Variants in UBASH3B observed in about 807,000 individuals in gnomAD.
UBASH3B encodes ubiquitin associated and SH3 domain containing B, also known as ubiquitin-associated and SH3 domain-containing protein B.
A neutral mutation model predicts 83.4 loss-of-function variants in UBASH3B; 37 were observed. The ratio of observed to expected loss-of-function variants is 0.44; its 90% confidence interval spans 0.34 to 0.58. UBASH3B has a LOEUF of 0.58. Ranked by LOEUF, UBASH3B falls within the 20% of genes least tolerant of loss-of-function variation. The probability of loss-of-function intolerance (pLI) is 0.01; values close to 1 mark genes in which losing one functional copy is unlikely to be tolerated. For synonymous variants in UBASH3B, 304 were observed against 318.3 expected, an observed-to-expected ratio of 0.96 and a Z score of 0.48; for missense variants, 657 against 827.2, an observed-to-expected ratio of 0.79 and a Z score of 2.52.
chr11:122,688,061 G>A (rs892293257), intron 1 of UBASH3B, among the ~76,000 whole-genome samples: 21 of 152,094 alleles, frequency 1.4e-4, no homozygotes, highest in African/African-American at 4.6e-4. Context: ...AGAAAGAACT[G>A]TTCAACTGCC....
At chr11:122,709,927 C>T (rs1276235821) in intron 1 of UBASH3B, among the ~76,000 whole-genome samples, 2 of 152,108 alleles carry the variant, frequency 1.3e-5, no homozygotes, top group Non-Finnish European at 2.9e-5. Flanking sequence ...GAGGCTGAGG[C>T]AGGCAGATCA....
rs531714850 is a variant in UBASH3B at position 122,718,685 on chromosome 11, A to C, written c.162-57534A>C. Among the ~76,000 whole-genome samples the C allele has an allele frequency of 1.1e-4, 17 of 152,302 alleles. No homozygotes were observed. The East Asian group carries it at 2.7e-3, about 24-fold the overall frequency. The stretch of plus-strand genomic sequence containing the variant: ...GAAAAGTCTTTTTGATTGGAGCCCC[A>C]AAAAAGGGATATTAGAGGGTCAGAA... On this transcript the variant is annotated intron_variant, in intron 1 of 13. Transcript: ENST00000284273.
chr11:122,688,884 T>G (rs1474077546), intron 1 of UBASH3B, among the ~76,000 whole-genome samples: 5 of 151,612 alleles, frequency 3.3e-5, no homozygotes, highest in Admixed American at 6.6e-5. Flanking sequence ...GACCTCGTGA[T>G]CCGCCTGCCT....
At chr11:122,722,606 T>C (rs1182742610) in intron 1 of UBASH3B, among the ~76,000 whole-genome samples, 5 of 152,366 alleles carry the variant, frequency 3.3e-5, no homozygotes, top group Non-Finnish European at 7.3e-5. Flanking sequence ...GGGCTTCTTT[T>C]CTGAATATCC....
intron 1 of UBASH3B, among the ~76,000 whole-genome samples, chr11:122,698,249 C>T (rs975332634): frequency 5.3e-5 from 8 of 151,960 alleles, no homozygotes; most frequent in Admixed American, 3.9e-4. Context: ...TGCAGATGAC[C>T]TCCTCTCCCC....
intron 1 of UBASH3B, among the ~76,000 whole-genome samples, chr11:122,684,770 G>C (rs1863787673): frequency 1.3e-5 from 2 of 152,128 alleles, no homozygotes; most frequent in African/African-American, 4.8e-5. Flanking sequence ...GCTAATTTTT[G>C]TATTTTTAGT....
chr11:122,725,342 A>G (rs73018226), intron 1 of UBASH3B, among the ~76,000 whole-genome samples: 1,727 of 130,788 alleles, frequency 0.013, 48 homozygotes, highest in African/African-American at 0.042. Context: ...AAAAAAAAAA[A>G]AAGAAAAGAA....
intron 4 of UBASH3B, among the ~76,000 whole-genome samples, chr11:122,780,250 A>G (rs1009882522): frequency 1.3e-5 from 2 of 152,222 alleles, no homozygotes; most frequent in Admixed American, 1.3e-4. Context: ...CTGTCTAAAA[A>G]TGTAACCCCT....
At chr11:122,707,948 G>A (rs373558730) in intron 1 of UBASH3B, among the ~76,000 whole-genome samples, 2 of 152,264 alleles carry the variant, frequency 1.3e-5, no homozygotes, top group Middle Eastern at 3.4e-3. Flanking sequence ...ATCTGCCTTG[G>A]CCTCCCAAAG....
At chr11:122,696,979 C>T (rs1391350827) in intron 1 of UBASH3B, among the ~76,000 whole-genome samples, 1 of 152,116 alleles carries the variant, frequency 6.6e-6, no homozygotes, top group Non-Finnish European at 1.5e-5. Context: ...GATCAGGCCA[C>T]CAGGAGTTGG....
chr11:122,777,690 T>A (rs1173232213), intron 3 of UBASH3B, among the ~76,000 whole-genome samples: 1 of 152,156 alleles, frequency 6.6e-6, no homozygotes, highest in Non-Finnish European at 1.5e-5. Flanking sequence ...ACCTAGTGTA[T>A]AATCCTAGCT....
chr11:122,727,820 A>G (rs534154949), intron 1 of UBASH3B, among the ~76,000 whole-genome samples: 2 of 152,270 alleles, frequency 1.3e-5, no homozygotes, highest in Admixed American at 1.3e-4. Flanking sequence ...CGTGAATTCA[A>G]GAAATCCTTG....
intron 1 of UBASH3B, among the ~76,000 whole-genome samples, chr11:122,667,288 C>T (rs1863532767): frequency 6.6e-6 from 1 of 151,930 alleles, no homozygotes; most frequent in African/African-American, 2.4e-5. Context: ...CTCAGGTGAT[C>T]ACCCGCCTCA....
chr11:122,704,562 T>G (rs1008006277), intron 1 of UBASH3B, among the ~76,000 whole-genome samples: 6 of 151,858 alleles, frequency 4.0e-5, no homozygotes, highest in East Asian at 1.9e-4. Flanking sequence ...TAGGCTGGAG[T>G]GCAGTGGCGT....
Position 122,806,480 on chromosome 11 carries a change from G to A in UBASH3B, c.1666G>A (p.Val556Ile), listed in dbSNP as rs749021704. Residue 556 changes from valine (V) to isoleucine (I), a missense_variant, in exon 12 of 14, where the codon GTA becomes ATA. This residue lies in a region of UBASH3B where 573 missense variants were observed against 739.0 expected (regional missense o/e 0.78). Coordinates refer to ENST00000284273, the MANE Select transcript of UBASH3B (RefSeq NM_032873.5). This position sits in a 1 kb window ranked among gnomAD's most constrained non-coding sequence, Gnocchi z 4.0. ...TACTTATATCAGTAGAAGTTTCCAAGTAACAAAAGAAATAATAAGTGAATG... is the reference window on the plus strand; with the variant it reads ...TACTTATATCAGTAGAAGTTTCCAAATAACAAAAGAAATAATAAGTGAATG... ...YDTYISRSFQVTKEIISECKS... is the reference protein window; with the variant it reads ...YDTYISRSFQITKEIISECKS... 2 of 1,606,184 alleles carry A rather than the reference G, an allele frequency of 1.2e-6. No individual in the cohort carries two copies. The highest frequency in any genetic ancestry group is 2.3e-5 in the South Asian group (2 of 88,550).
At chr11:122,714,560 G>A (rs1343484657) in intron 1 of UBASH3B, among the ~76,000 whole-genome samples, 2 of 152,232 alleles carry the variant, frequency 1.3e-5, no homozygotes, top group Non-Finnish European at 2.9e-5. Flanking sequence ...GTGAAGGATT[G>A]AACTCAGTCC....
At chr11:122,775,330 C>G (rs12795620) in intron 1 of UBASH3B, among the ~76,000 whole-genome samples, 1 of 152,144 alleles carries the variant, frequency 6.6e-6, no homozygotes, top group Non-Finnish European at 1.5e-5. Flanking sequence ...TATAACCAGC[C>G]TATGGATACT....
chr11:122,789,899 T>C (rs1197253230), intron 6 of UBASH3B, among the ~76,000 whole-genome samples: 1 of 152,128 alleles, frequency 6.6e-6, no homozygotes, highest in Non-Finnish European at 1.5e-5. Flanking sequence ...TTTAGGGTAA[T>C]AACTTTCCAC....
intron 1 of UBASH3B, among the ~76,000 whole-genome samples, chr11:122,733,558 C>T (rs1860880453): frequency 3.3e-5 from 5 of 152,176 alleles, no homozygotes; most frequent in Admixed American, 3.3e-4. Flanking sequence ...GCTTTTGTTT[C>T]TTAATGGGTG....
Sources: gnomAD v4.1 joint callset for allele counts (sites outside exome capture counted in the v4.1 genomes callset) on GRCh38, gnomAD v4.1.1 for gene constraint, gnomAD v4.1.1 regional missense constraint, Gnocchi (gnomAD v3.1) non-coding constraint, MANE v1.5 for transcripts, NCBI Gene and HGNC (gene_info 2026-07-23, HGNC 2026-07-21) for gene names.